Variants in MRPS31 observed in about 807,000 individuals in gnomAD.
MRPS31 encodes the protein small ribosomal subunit protein mS31.
A neutral mutation model predicts 43.1 loss-of-function variants in MRPS31; 32 were observed. The ratio of observed to expected loss-of-function variants is 0.74; its 90% CI spans 0.56 to 1.00. The LOEUF is 1.00. Among genes scored for constraint, MRPS31 ranks in the 50% least tolerant of loss-of-function variants. MRPS31 has a pLI of 0.00. For synonymous variants in MRPS31, 165 were observed against 161.6 expected, an observed-to-expected ratio of 1.02 and a Z score of -0.16; for missense variants, 437 against 466.7, an observed-to-expected ratio of 0.94 and a Z score of 0.59.
Position 40,768,319 on chromosome 13 carries a change from C to T in MRPS31, c.153-1286G>A, listed in dbSNP as rs145496414. 3.2e-3 allele frequency among the ~76,000 whole-genome samples: 481 copies of T among 152,262 alleles called. 2 individuals are homozygous for T. Among genetic ancestry groups the T allele is most frequent in the African/African-American group, 0.011 (462 of 41,544 alleles). ...ATGGTCCCTGCCTTTATGAAGCTGA[C>T]GTGCTACAGCACTGCTTCTCAAACT... On this transcript the variant is annotated intron_variant, in intron 1 of 6. Transcript: ENST00000323563.
chr13:40,730,751 G>C (rs1006317303), intron 6 of MRPS31, among the ~76,000 whole-genome samples: 1 of 151,406 alleles, frequency 6.6e-6, no homozygotes, highest in African/African-American at 2.4e-5. Context: ...AGTAGAGATG[G>C]GGTTTCACCA....
At chr13:40,770,914 C>A in intron 1 of MRPS31, 71 bp downstream of exon 1, 2 of 1,575,952 alleles carry the variant, frequency 1.3e-6, no homozygotes, top group African/African-American at 2.7e-5. Context: ...TAAGACCCAG[C>A]AGGTGGTAAC....
chr13:40,734,939 C>T (rs1879834650), intron 6 of MRPS31, among the ~76,000 whole-genome samples: 1 of 152,134 alleles, frequency 6.6e-6, no homozygotes, highest in Non-Finnish European at 1.5e-5. Context: ...GCCAAGATGG[C>T]CGAATAGCAA....
chr13:40,759,091 A>G lies in MRPS31; in HGVS notation c.456T>C (p.Ser152=), dbSNP rs762836626. 8.9e-6 allele frequency: 14 copies of G among 1,581,084 alleles called. No individual in the cohort carries two copies. In the Admixed American group the frequency reaches 2.3e-4, roughly 26 times the overall value. ...CAGATGCAGCTGCCACCAACTCAGG[A>G]CTCAGGGGCTCAATTCTGAAAAAGA... is the stretch of plus-strand genomic sequence containing the variant. ...YAPKKRIEPL[S]PELVAAASAV... The change falls in exon 3 of 7, where the codon AGT becomes AGC. Residue 152 remains serine, a synonymous_variant. Coordinates refer to ENST00000323563, the MANE Select transcript of MRPS31 (RefSeq NM_005830.4).
chr13:40,732,289 C>T (rs2137990648), intron 6 of MRPS31, among the ~76,000 whole-genome samples: 2 of 152,328 alleles, frequency 1.3e-5, no homozygotes, highest in South Asian at 4.1e-4. Flanking sequence ...TAACAAACAG[C>T]TTTTCATGGC....
intron 6 of MRPS31, among the ~76,000 whole-genome samples, chr13:40,733,719 G>C (rs1879779537): frequency 1.3e-5 from 2 of 152,178 alleles, no homozygotes; most frequent in African/African-American, 4.8e-5. Flanking sequence ...TGTAAGCCCA[G>C]CACTCTGGGA....
At chr13:40,767,806 T>C (rs1880892944) in intron 1 of MRPS31, among the ~76,000 whole-genome samples, 1 of 152,238 alleles carries the variant, frequency 6.6e-6, no homozygotes, top group Non-Finnish European at 1.5e-5. Flanking sequence ...ACAATACCTC[T>C]TTAAAAGTTA....
chr13:40,762,298 CT>C (rs965459417), intron 2 of MRPS31, among the ~76,000 whole-genome samples: 5 of 152,190 alleles, frequency 3.3e-5, no homozygotes, highest in African/African-American at 1.2e-4. Flanking sequence ...ACCTCAAGGC[CT>C]AAGCAGTTCT....
At chr13:40,733,959 CAAAAA>C (rs61512285) in intron 6 of MRPS31, among the ~76,000 whole-genome samples, 1 of 56,660 alleles carries the variant, frequency 1.8e-5, no homozygotes. Flanking sequence ...GACTCTGACT[CAAAAA>C]AAAAAAAAAA....
At chr13:40,765,051 C>T (rs1375675889) in intron 2 of MRPS31, among the ~76,000 whole-genome samples, 1 of 152,130 alleles carries the variant, frequency 6.6e-6, no homozygotes, top group Non-Finnish European at 1.5e-5. Context: ...TCCCGTGCAC[C>T]TTGGAGTCCT....
At chr13:40,761,596 CTTCATATATTT>C (rs1039076698) in intron 2 of MRPS31, among the ~76,000 whole-genome samples, 2 of 152,042 alleles carry the variant, frequency 1.3e-5, no homozygotes, top group African/African-American at 4.8e-5. Context: ...AGGGATCTTT[CTTCATATATTT>C]TAACAATGTA....
chr13:40,760,797 C>G (rs1880675132), intron 2 of MRPS31, among the ~76,000 whole-genome samples: 1 of 151,970 alleles, frequency 6.6e-6, no homozygotes, highest in Non-Finnish European at 1.5e-5. Context: ...TCACTGAGAA[C>G]TGACATCTCA....
intron 6 of MRPS31, 106 bp from the exon 7 acceptor site, chr13:40,729,707 C>A: frequency 2.7e-6 from 2 of 750,346 alleles, no homozygotes; most frequent in Non-Finnish European, 4.2e-6. Context: ...AAGGCATGAA[C>A]TTTGGAGTTA....
chr13:40,735,370 G>C (rs1197498601), intron 6 of MRPS31, among the ~76,000 whole-genome samples: 2 of 152,192 alleles, frequency 1.3e-5, no homozygotes, highest in African/African-American at 4.8e-5. Context: ...GCCCACCATT[G>C]CCCAGGCTTG....
At chr13:40,739,277 T>G (rs1037031919) in intron 6 of MRPS31, among the ~76,000 whole-genome samples, 6 of 151,708 alleles carry the variant, frequency 4.0e-5, no homozygotes, top group Admixed American at 6.6e-5. Flanking sequence ...CACTGCTCAA[T>G]GAAATAAAGG....
chr13:40,757,440 CTTTTTTTT>C (rs11291870), intron 3 of MRPS31, among the ~76,000 whole-genome samples: 1 of 96,932 alleles, frequency 1.0e-5, no homozygotes, highest in African/African-American at 4.5e-5. Context: ...CTATGTCTTC[CTTTTTTTT>C]TTTTTTTTTT....
chr13:40,735,621 C>A (rs1302562885), intron 6 of MRPS31, among the ~76,000 whole-genome samples: 1 of 152,060 alleles, frequency 6.6e-6, no homozygotes, highest in East Asian at 1.9e-4. Context: ...GGGTCCCTGA[C>A]CCCTGACCCC....
At chr13:40,768,192 T>A (rs952213608) in intron 1 of MRPS31, among the ~76,000 whole-genome samples, 1 of 152,230 alleles carries the variant, frequency 6.6e-6, no homozygotes, top group Admixed American at 6.5e-5. Flanking sequence ...TTAGTTTCAG[T>A]AAGAGGGTAT....
chr13:40,754,111 A>C lies in MRPS31; in HGVS notation c.741-19T>G. ...ATTTTTCCTAAGTCCAAAAAAAGAA[A>C]ATAACATTTTAATGAATATATTTTA... is the stretch of plus-strand genomic sequence containing the variant. On this transcript the variant is annotated intron_variant, in intron 4 of 6. Coordinates refer to ENST00000323563, the MANE Select transcript of MRPS31 (RefSeq NM_005830.4). The C allele has an allele frequency of 7.3e-7, 1 of 1,367,104 alleles. No homozygotes were observed. Among genetic ancestry groups the C allele is most frequent in the East Asian group, 2.3e-5 (1 of 42,828 alleles). 84.7% of individuals were successfully genotyped at this position (1,367,104 alleles called of 1,614,324 possible). A position where few individuals can be genotyped will look rare whatever the true frequency, so the allele number is the denominator to read the frequency against.
Sources: gnomAD v4.1 joint callset for allele counts (sites outside exome capture counted in the v4.1 genomes callset) on GRCh38, gnomAD v4.1.1 for gene constraint, MANE v1.5 for transcripts, NCBI Gene and HGNC (gene_info 2026-07-23, HGNC 2026-07-21) for gene names.